Variants in PUS7L observed in about 807,000 individuals in gnomAD.
PUS7L encodes pseudouridine synthase 7 like.
PUS7L carries 49 observed loss-of-function variants against 51.1 expected under a neutral mutation model. The ratio of observed to expected loss-of-function variants is 0.96; its 90% CI spans 0.76 to 1.22. The LOEUF is 1.22. Among genes scored for constraint, PUS7L ranks in the 50% most tolerant of loss-of-function variants. The pLI is 0.00. For synonymous variants in PUS7L, 277 were observed against 276.2 expected (o/e 1.00, Z -0.03); for missense variants, 828 against 820.6 (o/e 1.01, Z -0.11).
At chr12:43,754,057 CTT>C (rs1280343602) in intron 2 of PUS7L, among the ~76,000 whole-genome samples, 1 of 152,152 alleles carries the variant, frequency 6.6e-6, no homozygotes, top group Non-Finnish European at 1.5e-5. Context: ...ACTGCTTCAA[CTT>C]TATACATTTG....
At position 43,739,277 on chromosome 12, in the gene PUS7L, T is replaced by C. The variant is rs1445035912; in HGVS notation, c.1363-886A>G. ...AAGAAGTAGCTCTGAAGATGTAGAATGCCTCGCTCCCAGAGCAAAAGTAAA... is the reference window on the plus strand; with the variant it reads ...AAGAAGTAGCTCTGAAGATGTAGAACGCCTCGCTCCCAGAGCAAAAGTAAA... On this transcript the variant is annotated intron_variant, in intron 5 of 8. Transcript: ENST00000344862. 8.5e-5 allele frequency: 13 copies of C among 152,368 alleles called. No homozygotes were observed. In the East Asian group the frequency reaches 2.5e-3, roughly 29 times the overall value. The allele number at this position is 152,368 out of a possible 1,614,324, so 9.4% of individuals were successfully genotyped here.
Position 43,742,555 on chromosome 12 carries a change from T to C in PUS7L, c.1264A>G (p.Lys422Glu), listed in dbSNP as rs201768191. Residue 422 changes from lysine to glutamate, a missense_variant and splice_region_variant, in exon 5 of 9, where the codon AAA (lysine) becomes GAA (glutamate). Physicochemically the swap from Lys to Glu is moderately conservative, Grantham distance 56 (BLOSUM62 1). Transcript: ENST00000344862. Reference protein sequence around the residue: ...RIMEAIENVKKKGFVNYYGPQ... With the variant: ...RIMEAIENVKEKGFVNYYGPQ... ...CCATAGTAATTCACAAAGCCTTTTT[T>C]CTATGTATACAAAATAATCAACAAA... 1.9e-6 allele frequency: 3 copies of C among 1,594,546 alleles called. No homozygotes were observed. The highest frequency in any genetic ancestry group is 2.6e-6 in the Non-Finnish European group (3 of 1,172,194).
intron 5 of PUS7L, among the ~76,000 whole-genome samples, 193 bp from the exon 6 acceptor site, chr12:43,738,584 T>C (rs1310871719): frequency 6.6e-6 from 1 of 152,184 alleles, no homozygotes; most frequent in Non-Finnish European, 1.5e-5. Flanking sequence ...CTGCATGAAA[T>C]AATTTTATAT....
intron 5 of PUS7L, among the ~76,000 whole-genome samples, chr12:43,741,244 T>C (rs1045979248): frequency 1.3e-5 from 2 of 152,132 alleles, no homozygotes; most frequent in East Asian, 3.8e-4. Context: ...TGAACAATTG[T>C]TAAGAAAAAG....
At chr12:43,748,019 C>T (rs1938253614) in intron 3 of PUS7L, among the ~76,000 whole-genome samples, 2 of 152,280 alleles carry the variant, frequency 1.3e-5, no homozygotes, top group East Asian at 3.9e-4. Context: ...GAACTCCTAA[C>T]CTCAAGTGAT....
chr12:43,738,401 T>C lies in PUS7L; in HGVS notation c.1363-10A>G. The C allele has an allele frequency of 6.8e-7, 1 of 1,464,346 alleles. No homozygotes were observed. The highest frequency in any genetic ancestry group is 9.5e-7 in the Non-Finnish European group (1 of 1,047,310). 90.7% of individuals were successfully genotyped at this position (1,464,346 alleles called of 1,614,324 possible). A position where few individuals can be genotyped will look rare whatever the true frequency, so the allele number is the denominator to read the frequency against. ...ATTTTATGGCTTTCATCTTAAAAAA[T>C]CAAGCAGGTAAACATGTGTTAATGA... is the stretch of plus-strand genomic sequence containing the variant. On this transcript the variant is annotated splice_polypyrimidine_tract_variant and intron_variant, in intron 5 of 8. Coordinates refer to ENST00000344862, the MANE Select transcript of PUS7L (RefSeq NM_031292.5).
In PUS7L at chr12:43,724,744, G is replaced by C. The variant is rs1429126213; in HGVS notation, c.*5632C>G. On this transcript the variant is annotated 3_prime_UTR_variant, in exon 9 of 9. Coordinates refer to ENST00000344862, the MANE Select transcript of PUS7L (RefSeq NM_031292.5). ...TCTCTGATTTCAGGGATTCTCAACT[G>C]TACCAGTATATTTCCCATACTCTAA... The C allele has an allele frequency of 6.6e-6, 1 of 152,174 alleles. No individual in the cohort carries two copies. Among genetic ancestry groups the C allele is most frequent in the Non-Finnish European group, 1.5e-5 (1 of 67,982 alleles). 9.4% of individuals were successfully genotyped at this position (152,174 alleles called of 1,614,324 possible). A position where few individuals can be genotyped will look rare whatever the true frequency, so the allele number is the denominator to read the frequency against.
intron 3 of PUS7L, among the ~76,000 whole-genome samples, chr12:43,747,220 A>T (rs897902007): frequency 2.0e-5 from 3 of 152,328 alleles, no homozygotes; most frequent in African/African-American, 7.2e-5. Context: ...AATATTACTC[A>T]TGGTATTATT....
intron 3 of PUS7L, among the ~76,000 whole-genome samples, chr12:43,746,597 C>A (rs1311828080): frequency 6.6e-6 from 1 of 152,146 alleles, no homozygotes; most frequent in Non-Finnish European, 1.5e-5. Context: ...CCAACATTAC[C>A]AAGAAAAATC....
rs1286346507 is a variant in PUS7L, at chr12:43,730,718, G to A, written c.1780-16C>T. The stretch of plus-strand genomic sequence containing the variant: ...GAAGAACCACCTGTGAAAGAAAAGA[G>A]GGAAAAAATATGAAAATAGCCTTCA... On this transcript the variant is annotated splice_polypyrimidine_tract_variant and intron_variant, in intron 8 of 8. Transcript: ENST00000344862. 2 of 1,534,888 alleles carry A rather than the reference G, an allele frequency of 1.3e-6. No individual in the cohort carries two copies. Among genetic ancestry groups the A allele is most frequent in the Non-Finnish European group, 1.8e-6 (2 of 1,123,202 alleles).
At chr12:43,734,037 C>G (rs1466924623) in intron 7 of PUS7L, among the ~76,000 whole-genome samples, 2 of 152,188 alleles carry the variant, frequency 1.3e-5, no homozygotes, top group Non-Finnish European at 2.9e-5. Flanking sequence ...AGTAGCGGCA[C>G]TCTCATTTTC....
chr12:43,754,172 A>T (rs1429079888), intron 2 of PUS7L, among the ~76,000 whole-genome samples, 164 bp downstream of exon 2: 1 of 152,198 alleles, frequency 6.6e-6, no homozygotes, highest in Non-Finnish European at 1.5e-5. Context: ...CAGAATAAAT[A>T]AGAATTCCTA....
intron 7 of PUS7L, among the ~76,000 whole-genome samples, chr12:43,732,459 G>GA (rs561462389): frequency 0.052 from 7,238 of 139,048 alleles, 223 homozygotes; most frequent in Middle Eastern, 0.079. Context: ...AAATAAAATT[G>GA]AAAAAAAAAA....
intron 8 of PUS7L, 33 bp from the exon 9 acceptor site, chr12:43,730,735 T>C (rs1319705305): frequency 1.9e-5 from 26 of 1,404,800 alleles, no homozygotes; most frequent in Non-Finnish European, 2.5e-5. Context: ...AATATGAAAA[T>C]AGCCTTCAAA....
At chr12:43,758,367 G>C in intron 1 of PUS7L, 2 of 985,608 alleles carry the variant, frequency 2.0e-6, no homozygotes, top group Non-Finnish European at 2.4e-6. Flanking sequence ...TGCTGACAGT[G>C]GGCGGGGGAG....
In PUS7L at chr12:43,736,577, A is replaced by G; in HGVS notation, c.1529T>C (p.Met510Thr). 1 of 1,614,114 alleles carries G rather than the reference A, an allele frequency of 6.2e-7. No individual in the cohort carries two copies. ...TGCCTGGATACAACCTTCCTCGGTC[A>G]TGCCAAAGCGGTGCAATGCCTCCAA... is the stretch of plus-strand genomic sequence containing the variant. ...ALLEALHRFG[M>T]TEEGCIQAWF... The change falls in exon 7 of 9, where the codon ATG (methionine) becomes ACG (threonine). Residue 510 changes from methionine (M) to threonine (T), a missense_variant. Physicochemically the swap from Met to Thr is moderately conservative, Grantham distance 81. Coordinates refer to ENST00000344862, the MANE Select transcript of PUS7L (RefSeq NM_031292.5).
In PUS7L at chr12:43,747,718, A is replaced by C. The variant is rs1938238817; in HGVS notation, c.1070+732T>G. The stretch of plus-strand genomic sequence containing the variant: ...CAAAAAAATAATAAATAATAAAAAA[A>C]AGTTTTTGTGTGATGTAGTCTCTGA... On this transcript the variant is annotated intron_variant, in intron 3 of 8. Transcript: ENST00000344862. Among the ~76,000 whole-genome samples, 4 of 152,198 alleles carry C rather than the reference A, an allele frequency of 2.6e-5. No individual in the cohort carries two copies. In the South Asian group the frequency reaches 8.3e-4, roughly 32 times the overall value.
At chr12:43,755,733 A>G (rs780144399) in intron 1 of PUS7L, among the ~76,000 whole-genome samples, 6 of 152,218 alleles carry the variant, frequency 3.9e-5, no homozygotes, top group Non-Finnish European at 8.8e-5. Context: ...CAAAAAGACA[A>G]TAGGAAAACT....
rs935181038 is a variant in PUS7L at position 43,724,994 on chromosome 12, G to C, written c.*5382C>G. On this transcript the variant is annotated 3_prime_UTR_variant, in exon 9 of 9. Transcript: ENST00000344862. ...CTAGCTACATATTATATTGTTGACT[G>C]CTGATGTTTCTGAGCCTGAGGCCTG... 1 of 152,174 alleles carries C rather than the reference G, an allele frequency of 6.6e-6. No individual in the cohort carries two copies. The highest frequency in any genetic ancestry group is 1.5e-5 in the Non-Finnish European group (1 of 68,018). 9.4% of individuals were successfully genotyped at this position (152,174 alleles called of 1,614,324 possible). A position where few individuals can be genotyped will look rare whatever the true frequency, so the allele number is the denominator to read the frequency against.
Sources: gnomAD v4.1 joint callset for allele counts (sites outside exome capture counted in the v4.1 genomes callset) on GRCh38, gnomAD v4.1.1 for gene constraint, MANE v1.5 for transcripts, NCBI Gene and HGNC (gene_info 2026-07-23, HGNC 2026-07-21) for gene names.